The following ZFP64 variants were observed in gnomAD, a reference collection of about 807,000 sequenced individuals.
ZFP64 encodes ZFP64 zinc finger protein.
In ZFP64, 14 loss-of-function variants were observed where a neutral mutation model predicts 51.6. The observed-to-expected ratio is 0.27, with a 90% CI of 0.18 to 0.42. The LOEUF (loss-of-function observed/expected upper bound fraction) is 0.42. Ranked by LOEUF, ZFP64 falls within the 10% of genes least tolerant of loss-of-function variation. The probability of loss-of-function intolerance (pLI) is 1.00; values close to 1 mark genes in which losing one functional copy is unlikely to be tolerated. For missense variants in ZFP64, 754 were observed against 906.8 expected, an observed-to-expected ratio of 0.83 and a Z score of 2.16; for synonymous variants, 375 against 361.4, an observed-to-expected ratio of 1.04 and a Z score of -0.43.
intron 5 of ZFP64, among the ~76,000 whole-genome samples, chr20:52,137,135 GA>G (rs1347328663): frequency 6.6e-6 from 1 of 152,104 alleles, no homozygotes; most frequent in African/African-American, 2.4e-5. Context: ...TAAAAGATGT[GA>G]ATTTCAATTT....
intron 7 of ZFP64, among the ~76,000 whole-genome samples, chr20:52,089,765 C>T (rs1417703473): frequency 6.7e-6 from 1 of 149,404 alleles, no homozygotes; most frequent in Non-Finnish European, 1.5e-5. Context: ...AAAAATGAAC[C>T]TTACTGTAAA....
chr20:52,169,529 G>A lies in ZFP64; in HGVS notation c.287-3504C>T, dbSNP rs148858496. Among the ~76,000 whole-genome samples the A allele has an allele frequency of 4.4e-3, 675 of 152,248 alleles. 10 individuals are homozygous for A. The highest frequency in any genetic ancestry group is 0.015 in the African/African-American group (639 of 41,532). ...CTCCTCAGCACTCTCTTGAAAGGTA[G>A]GTGGTAGGCCCTTCACCCTCCTGCC... On this transcript the variant is annotated intron_variant, in intron 2 of 5. Transcript: ENST00000216923.
At chr20:52,096,001 G>C (rs186412043) in intron 7 of ZFP64, among the ~76,000 whole-genome samples, 3 of 152,336 alleles carry the variant, frequency 2.0e-5, no homozygotes, top group Non-Finnish European at 4.4e-5. Flanking sequence ...CTGGTAGCCT[G>C]TCTTCCAAGG....
chr20:52,163,170 G>A (rs1289478564), intron 4 of ZFP64, among the ~76,000 whole-genome samples: 1 of 152,158 alleles, frequency 6.6e-6, no homozygotes, highest in Non-Finnish European at 1.5e-5. Flanking sequence ...AGACTAGCCT[G>A]ACCAACATGG....
At position 52,160,596 on chromosome 20, in the gene ZFP64, A is replaced by C. The variant is rs1438033043; in HGVS notation, c.512-222T>G. ...ATTACTTGAATTTTTAAAATGATGA[A>C]TATGAATTTCTTATAAATTTTTTAT... On this transcript the variant is annotated intron_variant, in intron 4 of 5. Coordinates refer to ENST00000216923, the MANE Select transcript of ZFP64 (RefSeq NM_018197.3). This position sits in a 1 kb window ranked among gnomAD's most constrained non-coding sequence, Gnocchi z 4.2. Among the ~76,000 whole-genome samples the C allele has an allele frequency of 6.6e-6, 1 of 152,232 alleles. No individual in the cohort carries two copies. Among genetic ancestry groups the C allele is most frequent in the Non-Finnish European group, 1.5e-5 (1 of 68,038 alleles).
intron 5 of ZFP64, among the ~76,000 whole-genome samples, chr20:52,122,025 A>G (rs1018830482): frequency 6.6e-6 from 1 of 152,188 alleles, no homozygotes; most frequent in Admixed American, 6.5e-5. Context: ...TGAATATTTA[A>G]AGCCCACTGT....
intron 5 of ZFP64, among the ~76,000 whole-genome samples, chr20:52,145,232 T>C (rs908673304): frequency 6.6e-6 from 1 of 152,238 alleles, no homozygotes; most frequent in Admixed American, 6.5e-5. Flanking sequence ...GGATCCATTC[T>C]GAGAAATAGG....
intron 5 of ZFP64, among the ~76,000 whole-genome samples, chr20:52,139,688 C>A (rs1361637486): frequency 6.6e-6 from 1 of 151,972 alleles, no homozygotes. Context: ...AAGAAAATGG[C>A]ATAATGAGAG....
At chr20:52,109,454 G>T (rs1309315185) in intron 5 of ZFP64, among the ~76,000 whole-genome samples, 1 of 152,064 alleles carries the variant, frequency 6.6e-6, no homozygotes, top group Non-Finnish European at 1.5e-5. Flanking sequence ...GAGCCACCGT[G>T]CCTGGCCAGA....
Position 52,152,898 on chromosome 20 carries a change from C to A in ZFP64, c.1294G>T (p.Ala432Ser). 1.9e-6 allele frequency: 3 copies of A among 1,614,028 alleles called. No homozygotes were observed. Among genetic ancestry groups the A allele is most frequent in the Non-Finnish European group, 2.5e-6 (3 of 1,180,038 alleles). Residue 432 changes from alanine (A) to serine (S), a missense_variant, in exon 6 of 6, where the codon GCC (alanine) becomes TCC (serine). Around this residue, in one of 3 missense-constraint regions of ZFP64, gnomAD observed 428 missense variants for 472.4 expected, o/e 0.91. Coordinates refer to ENST00000216923, the MANE Select transcript of ZFP64 (RefSeq NM_018197.3). ...AGCGAGTCCTCCCGCATGAAGGAGG[C>A]ATCGCATATATCGCAGTGGAAACTC... ...KKSFHCDICD[A>S]SFMREDSLRS...
Position 52,145,616 on chromosome 20 carries a change from G to T in ZFP64, c.763+14507C>A, listed in dbSNP as rs139679176. Among the ~76,000 whole-genome samples, 386 of 152,274 alleles carry T rather than the reference G, an allele frequency of 2.5e-3. 3 individuals carry two copies. The highest frequency in any genetic ancestry group is 9.0e-3 in the African/African-American group (376 of 41,558). On this transcript the variant is annotated intron_variant, in intron 5 of 8. Transcript: ENST00000361387. ...ATTGTGCCACTGCACTCCAACCTGG[G>T]TGATAGAGTAATACCCTTTCTCAAA...
intron 4 of ZFP64, among the ~76,000 whole-genome samples, chr20:52,161,620 C>T (rs1410623692): frequency 1.3e-5 from 2 of 152,052 alleles, no homozygotes; most frequent in African/African-American, 4.8e-5. Flanking sequence ...TGAACCCATT[C>T]CTTACTTGGC....
chr20:52,191,579 A>G lies in ZFP64; in HGVS notation c.46+12T>C. The G allele has an allele frequency of 4.4e-6, 7 of 1,575,314 alleles. No individual in the cohort carries two copies. In the East Asian group the frequency reaches 1.7e-4, roughly 38 times the overall value. ...GCCCCGGAGCGCGCACTGCTCCCGG[A>G]AAAGCACTTACTTTGCACCGAGCCC... is the stretch of plus-strand genomic sequence containing the variant. On this transcript the variant is annotated intron_variant, in intron 1 of 5. Coordinates refer to ENST00000216923, the MANE Select transcript of ZFP64 (RefSeq NM_018197.3). The surrounding 1 kb of genome is among the most constrained non-coding windows in gnomAD (Gnocchi z 4.3).
intron 7 of ZFP64, chr20:52,089,139 A>T: frequency 2.3e-6 from 1 of 439,138 alleles, no homozygotes. Context: ...CCACATACCC[A>T]GAACACTTCC....
intron 5 of ZFP64, among the ~76,000 whole-genome samples, chr20:52,115,029 C>T (rs1978788028): frequency 1.3e-5 from 2 of 151,888 alleles, no homozygotes; most frequent in South Asian, 4.2e-4. Flanking sequence ...AACACTGTCT[C>T]TACCAAAAAT....
exon 9 of ZFP64, chr20:52,084,611 G>A: frequency 6.2e-7 from 1 of 1,614,152 alleles, no homozygotes; most frequent in Non-Finnish European, 8.5e-7. Flanking sequence ...CGGAGACCAG[G>A]GTGCTGAGCT....
intron 5 of ZFP64, among the ~76,000 whole-genome samples, chr20:52,123,650 G>A (rs971030453): frequency 2.6e-5 from 4 of 152,134 alleles, no homozygotes; most frequent in Admixed American, 2.6e-4. Context: ...ATAGACTCCA[G>A]TATAGTGTAA....
intron 5 of ZFP64, chr20:52,104,835 G>A (rs1426844465): frequency 4.7e-6 from 3 of 641,192 alleles, no homozygotes; most frequent in Admixed American, 4.0e-5. Flanking sequence ...CCCGAAAACA[G>A]CCTCTGAGGG....
rs936439409 is a variant in ZFP64, at chr20:52,113,422, C to CTTTT, written c.764-14839_764-14836dup. Among the ~76,000 whole-genome samples the CTTTT allele has an allele frequency of 6.0e-3, 579 of 96,504 alleles. 21 individuals carry two copies. The highest frequency in any genetic ancestry group is 0.015 in the African/African-American group (360 of 24,500). 63.3% of individuals were successfully genotyped at this position (96,504 alleles called of 152,430 possible). ...TACCCTTGTACCCTTGCCAGGAATT[C>CTTTT]TTTTTTTTTTTTTTTTTTTTTTTGA... On this transcript the variant is annotated intron_variant, in intron 5 of 8. Coordinates refer to the ZFP64 transcript ENST00000361387.
Sources: gnomAD v4.1 joint callset for allele counts (sites outside exome capture counted in the v4.1 genomes callset) on GRCh38, gnomAD v4.1.1 for gene constraint, gnomAD v4.1.1 regional missense constraint, Gnocchi (gnomAD v3.1) non-coding constraint, MANE v1.5 for transcripts, NCBI Gene and HGNC (gene_info 2026-07-23, HGNC 2026-07-21) for gene names.